COL11A2: variants seen among roughly 807,000 people sequenced by gnomAD.
COL11A2 encodes the protein collagen type XI alpha 2 chain, also known as collagen alpha-2(XI) chain.
A neutral mutation model predicts 273.4 loss-of-function variants in COL11A2; 116 were observed. The ratio of observed to expected loss-of-function variants is 0.42; its 90% confidence interval spans 0.36 to 0.49. The LOEUF (loss-of-function observed/expected upper bound fraction) is 0.49, where lower values mean the gene tolerates loss of function less well. Ranked by LOEUF, COL11A2 falls within the 20% of genes least tolerant of loss-of-function variation. The probability of loss-of-function intolerance (pLI) is 0.00; values close to 1 mark genes in which losing one functional copy is unlikely to be tolerated. For missense variants in COL11A2, 1,866 were observed against 2,309.0 expected (o/e 0.81, Z 3.93); for synonymous variants, 782 against 864.2 (o/e 0.90, Z 1.67).
chr6:33,177,152 C>T lies in COL11A2; in HGVS notation c.2016+29G>A, dbSNP rs1259342169. 11 of 1,613,018 alleles carry T rather than the reference C, an allele frequency of 6.8e-6. No individual in the cohort carries two copies. In the South Asian group the frequency reaches 9.9e-5, roughly 14 times the overall value. ...CTCCCTACATCCCCACTCTAAACCC[C>T]CTGTCCTCCAAATCACTTAGTCACT... On this transcript the variant is annotated intron_variant, in intron 24 of 65. Coordinates refer to ENST00000341947, the MANE Select transcript of COL11A2 (RefSeq NM_080680.3). This position sits in a 1 kb window ranked among gnomAD's most constrained non-coding sequence, Gnocchi z 5.9.
At position 33,191,585 on chromosome 6, in the gene COL11A2, G is replaced by A. The variant is rs371766466; in HGVS notation, c.82+574C>T. Among the ~76,000 whole-genome samples, 12 of 152,370 alleles carry A rather than the reference G, an allele frequency of 7.9e-5. 1 individual carries two copies. The highest frequency in any genetic ancestry group is 1.9e-4 in the East Asian group (1 of 5,194). On this transcript the variant is annotated intron_variant, in intron 1 of 65. Coordinates refer to ENST00000341947, the MANE Select transcript of COL11A2 (RefSeq NM_080680.3). ...CTGATCCTGGCCTGTCCGGAGGGCC[G>A]TCCTGTTGGCAGCCAGCCCCAGTGC...
rs373983482 is a variant in COL11A2, at chr6:33,179,738, G to A, written c.1427C>T (p.Ala476Val). Reference protein sequence around the residue: ...VVAAQEAQAQAILQQARLALR... With the variant: ...VVAAQEAQAQVILQQARLALR... ...ACTCACCCTCGCCTGCTGCAGGATC[G>A]CCTGGGCCTGAGCCTCCTGGGCCGC... The change falls in exon 13 of 66, where the codon GCG (alanine) becomes GTG (valine). Residue 476 changes from alanine (A) to valine (V), a missense_variant. Ala to Val is a moderately conservative substitution (Grantham distance 64, BLOSUM62 0). Coordinates refer to ENST00000341947, the MANE Select transcript of COL11A2 (RefSeq NM_080680.3). The surrounding 1 kb of genome is among the most constrained non-coding windows in gnomAD (Gnocchi z 6.4). 5.5e-5 allele frequency: 88 copies of A among 1,611,866 alleles called. 1 individual carries two copies. In the South Asian group the frequency reaches 8.0e-4, roughly 15 times the overall value.
chr6:33,166,612 C>T lies in COL11A2; in HGVS notation c.4339-46G>A, dbSNP rs200408948. 54 of 1,612,716 alleles carry T rather than the reference C, an allele frequency of 3.3e-5. No individual in the cohort carries two copies. In the East Asian group the frequency reaches 1.2e-3, roughly 35 times the overall value. ...TTCAACTGGGTCCTCCTCCCACACC[C>T]TCCTGAGCACCTGCTCGCTTACCCA... On this transcript the variant is annotated intron_variant, in intron 59 of 65. Coordinates refer to ENST00000341947, the MANE Select transcript of COL11A2 (RefSeq NM_080680.3). This position sits in a 1 kb window ranked among gnomAD's most constrained non-coding sequence, Gnocchi z 4.8.
chr6:33,177,281 C>T lies in COL11A2; in HGVS notation c.1972-56G>A. The T allele has an allele frequency of 3.7e-6, 6 of 1,609,524 alleles. No individual in the cohort carries two copies. In the Middle Eastern group the frequency reaches 8.3e-4, roughly 222 times the overall value. ...CCTCCCAGGGTCTCTTCTATCCAGC[C>T]TCCCGGATTCAAAGCATGAGCAACA... On this transcript the variant is annotated intron_variant, in intron 23 of 65. Coordinates refer to ENST00000341947, the MANE Select transcript of COL11A2 (RefSeq NM_080680.3). The surrounding 1 kb of genome is among the most constrained non-coding windows in gnomAD (Gnocchi z 5.9).
Position 33,170,270 on chromosome 6 carries a change from G to A in COL11A2, c.3582+56C>T, listed in dbSNP as rs1450377520. On this transcript the variant is annotated intron_variant, in intron 48 of 65. Transcript: ENST00000341947. This position sits in a 1 kb window ranked among gnomAD's most constrained non-coding sequence, Gnocchi z 4.3. The stretch of plus-strand genomic sequence containing the variant: ...ATACTAGAGTTTATGGTCTGGGAAA[G>A]GGAGGCAGAAGACCAGACACATTGG... The A allele has an allele frequency of 8.1e-6, 13 of 1,595,730 alleles. No individual in the cohort carries two copies. The highest frequency in any genetic ancestry group is 9.4e-6 in the Non-Finnish European group (11 of 1,166,380).
Position 33,169,740 on chromosome 6 carries a change from G to A in COL11A2, c.3690+91C>T. On this transcript the variant is annotated intron_variant, in intron 50 of 65. Coordinates refer to ENST00000341947, the MANE Select transcript of COL11A2 (RefSeq NM_080680.3). The surrounding 1 kb of genome is among the most constrained non-coding windows in gnomAD (Gnocchi z 5.5). ...GAGCAGAGACTCTTGCTGCAGAGGA[G>A]TTCCAGCTCAAGGAGGTCACAGGAA... 1 of 1,497,390 alleles carries A rather than the reference G, an allele frequency of 6.7e-7. No individual in the cohort carries two copies. The highest frequency in any genetic ancestry group is 1.1e-5 in the South Asian group (1 of 88,808). 92.8% of individuals were successfully genotyped at this position (1,497,390 alleles called of 1,614,324 possible).
chr6:33,176,879 G>T lies in COL11A2; in HGVS notation c.2070+113C>A. ...TGACCTAGTGAAGCCAACTGTCCAT[G>T]GACAAGCACCACCAGTGACCTTTCA... On this transcript the variant is annotated intron_variant, in intron 25 of 65. Transcript: ENST00000341947. The surrounding 1 kb of genome is among the most constrained non-coding windows in gnomAD (Gnocchi z 4.9). 1 of 1,532,062 alleles carries T rather than the reference G, an allele frequency of 6.5e-7. No homozygotes were observed. The highest frequency in any genetic ancestry group is 8.9e-7 in the Non-Finnish European group (1 of 1,122,796). 94.9% of individuals were successfully genotyped at this position (1,532,062 alleles called of 1,614,324 possible).
chr6:33,164,791 A>G lies in COL11A2; in HGVS notation c.4863+61T>C, dbSNP rs1004039053. On this transcript the variant is annotated intron_variant, in intron 64 of 65. Coordinates refer to ENST00000341947, the MANE Select transcript of COL11A2 (RefSeq NM_080680.3). This position sits in a 1 kb window ranked among gnomAD's most constrained non-coding sequence, Gnocchi z 4.7. ...GGACTGTCACCAAAACCCAGAAACCACTAAGCCCTGAGGGGGTGCACTATG... is the reference window on the plus strand; with the variant it reads ...GGACTGTCACCAAAACCCAGAAACCGCTAAGCCCTGAGGGGGTGCACTATG... 6.9e-7 allele frequency: 1 copy of G among 1,448,704 alleles called. No homozygotes were observed. Among genetic ancestry groups the G allele is most frequent in the Non-Finnish European group, 9.5e-7 (1 of 1,058,122 alleles). The allele number at this position is 1,448,704 out of a possible 1,614,324, so 89.7% of individuals were successfully genotyped here.
At chr6:33,174,444 T>C in intron 31 of COL11A2, 83 bp downstream of exon 31, 1 of 1,556,010 alleles carries the variant, frequency 6.4e-7, no homozygotes, top group Non-Finnish European at 8.8e-7. Flanking sequence ...CTGCCCTGCA[T>C]CTGTGCTTTC....
In COL11A2 at chr6:33,168,578, G is replaced by A; in HGVS notation, c.3907-6C>T. 1 of 1,613,612 alleles carries A rather than the reference G, an allele frequency of 6.2e-7. No individual in the cohort carries two copies. The highest frequency in any genetic ancestry group is 8.5e-7 in the Non-Finnish European group (1 of 1,179,806). ...CCGGTGGGACCAGGGGATCCCTAGGGAGAGAGGAATTGGGGTGGCTGAGTG... is the reference window on the plus strand; with the variant it reads ...CCGGTGGGACCAGGGGATCCCTAGGAAGAGAGGAATTGGGGTGGCTGAGTG... On this transcript the variant is annotated splice_polypyrimidine_tract_variant and splice_region_variant and intron_variant, in intron 53 of 65. Coordinates refer to ENST00000341947, the MANE Select transcript of COL11A2 (RefSeq NM_080680.3).
Position 33,192,433 on chromosome 6 carries a change from C to G in COL11A2, c.-193G>C. On this transcript the variant is annotated 5_prime_UTR_variant, in exon 1 of 66. Coordinates refer to ENST00000341947, the MANE Select transcript of COL11A2 (RefSeq NM_080680.3). ...AGCAAGGCGCCGTCGGGGCTCCCGGCACTGCTCCCTCCTCGGTGGCTGCCG... is the reference window on the plus strand; with the variant it reads ...AGCAAGGCGCCGTCGGGGCTCCCGGGACTGCTCCCTCCTCGGTGGCTGCCG... 1 of 623,182 alleles carries G rather than the reference C, an allele frequency of 1.6e-6. No homozygotes were observed. The allele number at this position is 623,182 out of a possible 1,614,324, so 38.6% of individuals were successfully genotyped here.
Position 33,179,912 on chromosome 6 carries a change from A to T in COL11A2, c.1360-107T>A. On this transcript the variant is annotated intron_variant, in intron 12 of 65. Transcript: ENST00000341947. This position sits in a 1 kb window ranked among gnomAD's most constrained non-coding sequence, Gnocchi z 6.4. The stretch of plus-strand genomic sequence containing the variant: ...CTGCCCCTTGCCCCAGGTTCTGCCC[A>T]TCCAGCATTTCCCATGGCTTCCAGA... The T allele has an allele frequency of 9.5e-7, 1 of 1,054,318 alleles. No individual in the cohort carries two copies. The highest frequency in any genetic ancestry group is 1.3e-5 in the South Asian group (1 of 78,314). 65.3% of individuals were successfully genotyped at this position (1,054,318 alleles called of 1,614,324 possible). A position where few individuals can be genotyped will look rare whatever the true frequency, so the allele number is the denominator to read the frequency against.
At position 33,181,160 on chromosome 6, in the gene COL11A2, C is replaced by CCATGGGCAG. The variant is rs1195548710; in HGVS notation, c.1121_1129dup (p.Ala374_His376dup). 4.3e-6 allele frequency: 7 copies of CCATGGGCAG among 1,614,074 alleles called. No individual in the cohort carries two copies. Among genetic ancestry groups the CCATGGGCAG allele is most frequent in the Non-Finnish European group, 5.9e-6 (7 of 1,180,050 alleles). ...TTTCTCTCCCTTCAGCCCTCGGGGT[C>CCATGGGCAG]CATGGGCAGCCTGAAGGAGACACAC... On this transcript the variant is annotated inframe_insertion, in exon 9 of 66. Transcript: ENST00000341947.
chr6:33,169,430 G>A lies in COL11A2; in HGVS notation c.3751C>T (p.Pro1251Ser), dbSNP rs1235422277. The A allele has an allele frequency of 5.6e-6, 9 of 1,612,842 alleles. No individual in the cohort carries two copies. The African/African-American group carries it at 8.0e-5, about 14-fold the overall frequency. ...ESGQPGEPGP[P>S]GPKGPTGDDG... ...TCGCCTGTGGGGCCTTTAGGCCCTGGTGGCCCTGGCTCTCCTGGCTGCCCC... is the reference window on the plus strand; with the variant it reads ...TCGCCTGTGGGGCCTTTAGGCCCTGATGGCCCTGGCTCTCCTGGCTGCCCC... Residue 1251 changes from proline (P) to serine (S), a missense_variant, in exon 51 of 66, where the codon CCA (proline) becomes TCA (serine). Pro to Ser is a moderately conservative substitution (Grantham distance 74). Coordinates refer to ENST00000341947, the MANE Select transcript of COL11A2 (RefSeq NM_080680.3). This position sits in a 1 kb window ranked among gnomAD's most constrained non-coding sequence, Gnocchi z 5.5.
chr6:33,167,697 A>T lies in COL11A2; in HGVS notation c.4014+102T>A. ...GGAACGCCTGTCCCCATAAGGGCCC[A>T]ACATGGGAGAGGTGGAGATGGGGTG... On this transcript the variant is annotated intron_variant, in intron 55 of 65. Coordinates refer to ENST00000341947, the MANE Select transcript of COL11A2 (RefSeq NM_080680.3). This position sits in a 1 kb window ranked among gnomAD's most constrained non-coding sequence, Gnocchi z 6.1. 6.6e-7 allele frequency: 1 copy of T among 1,515,812 alleles called. No individual in the cohort carries two copies. The highest frequency in any genetic ancestry group is 9.1e-7 in the Non-Finnish European group (1 of 1,100,838). The allele number at this position is 1,515,812 out of a possible 1,614,324, so 93.9% of individuals were successfully genotyped here.
In COL11A2 at chr6:33,173,290, T is replaced by A. The variant is rs906999564; in HGVS notation, c.2736+58A>T. The A allele has an allele frequency of 1.9e-6, 3 of 1,600,586 alleles. No homozygotes were observed. The highest frequency in any genetic ancestry group is 2.6e-6 in the Non-Finnish European group (3 of 1,172,646). On this transcript the variant is annotated intron_variant, in intron 37 of 65. Transcript: ENST00000341947. This position sits in a 1 kb window ranked among gnomAD's most constrained non-coding sequence, Gnocchi z 6.3. ...TCCCTGTGGGCTTTCCAGACAGCTC[T>A]GGGGTTAAAGGGTCTGATGGAGCCC...
chr6:33,177,481 C>T lies in COL11A2; in HGVS notation c.1918-16G>A. On this transcript the variant is annotated splice_polypyrimidine_tract_variant and intron_variant, in intron 22 of 65. Transcript: ENST00000341947. This position sits in a 1 kb window ranked among gnomAD's most constrained non-coding sequence, Gnocchi z 5.9. ...CCTGGGGTCCCTAGAAACAGGTGAC[C>T]AGGCACAGGTCAGAAGGAGATGGAG... is the stretch of plus-strand genomic sequence containing the variant. The T allele has an allele frequency of 1.2e-6, 2 of 1,612,686 alleles. No homozygotes were observed. The highest frequency in any genetic ancestry group is 1.7e-6 in the Non-Finnish European group (2 of 1,179,822).
At position 33,165,074 on chromosome 6, in the gene COL11A2, T is replaced by C; in HGVS notation, c.4751-110A>G. ...CCAGCCCTCCCCATCATGCTCTTAGTCTCCTGGTCCTCCTCCCTCCCAGAG... is the reference window on the plus strand; with the variant it reads ...CCAGCCCTCCCCATCATGCTCTTAGCCTCCTGGTCCTCCTCCCTCCCAGAG... On this transcript the variant is annotated intron_variant, in intron 63 of 65. Transcript: ENST00000341947. The surrounding 1 kb of genome is among the most constrained non-coding windows in gnomAD (Gnocchi z 7.7). The C allele has an allele frequency of 2.5e-6, 2 of 813,178 alleles. No individual in the cohort carries two copies. The highest frequency in any genetic ancestry group is 4.1e-6 in the Non-Finnish European group (2 of 487,166). The allele number at this position is 813,178 out of a possible 1,614,324, so 50.4% of individuals were successfully genotyped here. A position where few individuals can be genotyped will look rare whatever the true frequency, so the allele number is the denominator to read the frequency against.
rs1282223546 is a variant in COL11A2 at position 33,192,216 on chromosome 6, G to A, written c.25C>T (p.Arg9Cys). Reference sequence around the variant, plus strand: ...ACCAGAGGTAGGAGGAGGAGGAGGCGATGGCAGCGGCTGCACCGCTCCATG... The same window carrying A: ...ACCAGAGGTAGGAGGAGGAGGAGGCAATGGCAGCGGCTGCACCGCTCCATG... MERCSRCH[R>C]LLLLLPLVLG... Residue 9 changes from arginine to cysteine, a missense_variant, in exon 1 of 66, where the codon CGC becomes TGC. Coordinates refer to ENST00000341947, the MANE Select transcript of COL11A2 (RefSeq NM_080680.3). 7 of 1,564,492 alleles carry A rather than the reference G, an allele frequency of 4.5e-6. No individual in the cohort carries two copies. The highest frequency in any genetic ancestry group is 6.1e-6 in the Non-Finnish European group (7 of 1,154,652).
Sources: allele counts gnomAD v4.1 joint callset (sites outside exome capture counted in the v4.1 genomes callset), GRCh38; gene constraint gnomAD v4.1.1; non-coding constraint Gnocchi (gnomAD v3.1); transcripts MANE v1.5; gene names NCBI Gene and HGNC (gene_info 2026-07-23, HGNC 2026-07-21).